The following FAM135B variants were observed in gnomAD, a reference collection of about 807,000 sequenced individuals.
FAM135B encodes family with sequence similarity 135 member B.
A neutral mutation model predicts 127.7 loss-of-function variants in FAM135B; 43 were observed. That is an observed-to-expected ratio of 0.34 (90% CI 0.26 to 0.43). The LOEUF is 0.43. FAM135B is among the 20% of genes least tolerant of loss of function. FAM135B has a pLI of 1.00. For synonymous variants in FAM135B, 670 were observed against 665.1 expected (o/e 1.01, Z -0.11); for missense variants, 1,558 against 1,725.6 (o/e 0.90, Z 1.72).
chr8:138,325,193 T>C (rs1179419169), intron 2 of FAM135B, among the ~76,000 whole-genome samples: 1 of 152,164 alleles, frequency 6.6e-6, no homozygotes, highest in Admixed American at 6.6e-5. Context: ...CACTGAGTTG[T>C]AGGCACTTAA....
chr8:138,400,527 G>A lies in FAM135B; in HGVS notation c.-19-32525C>T, dbSNP rs1215663303. Among the ~76,000 whole-genome samples, 4 of 152,154 alleles carry A rather than the reference G, an allele frequency of 2.6e-5. No individual in the cohort carries two copies. In the East Asian group the frequency reaches 7.7e-4, roughly 29 times the overall value. ...GATGTGGGAGGAAGGGAAGATGAGA[G>A]GAGGAGGACTGAAGAGATGAGTCAG... On this transcript the variant is annotated intron_variant, in intron 1 of 19. Coordinates refer to ENST00000395297, the MANE Select transcript of FAM135B (RefSeq NM_015912.4).
intron 9 of FAM135B, among the ~76,000 whole-genome samples, chr8:138,185,339 T>C (rs937120400): frequency 6.6e-6 from 1 of 152,178 alleles, no homozygotes; most frequent in Non-Finnish European, 1.5e-5. Context: ...GTGCCTCTTA[T>C]GCTCTTTACC....
At chr8:138,257,981 A>G (rs1822235506) in intron 4 of FAM135B, among the ~76,000 whole-genome samples, 1 of 152,182 alleles carries the variant, frequency 6.6e-6, no homozygotes, top group Admixed American at 6.5e-5. Flanking sequence ...TGTTCAGATC[A>G]GGTAATTGCT....
chr8:138,172,961 G>A (rs1161620947), intron 11 of FAM135B, among the ~76,000 whole-genome samples: 1 of 152,114 alleles, frequency 6.6e-6, no homozygotes, highest in East Asian at 1.9e-4. Flanking sequence ...TGCATAGGTC[G>A]GCCTTGCACA....
intron 1 of FAM135B, among the ~76,000 whole-genome samples, chr8:138,427,997 C>G (rs1276869606): frequency 2.0e-5 from 3 of 152,082 alleles, no homozygotes; most frequent in Non-Finnish European, 4.4e-5. Context: ...CTTTTTAACT[C>G]CCATGATACT....
chr8:138,136,600 A>C (rs574751778), intron 19 of FAM135B, among the ~76,000 whole-genome samples: 1 of 152,194 alleles, frequency 6.6e-6, no homozygotes, highest in East Asian at 1.9e-4. Context: ...TTAAAAAAAA[A>C]CAATTAAACA....
intron 5 of FAM135B, among the ~76,000 whole-genome samples, chr8:138,255,580 G>A (rs1425646648): frequency 6.6e-6 from 1 of 152,208 alleles, no homozygotes; most frequent in African/African-American, 2.4e-5. Flanking sequence ...CACATATGTG[G>A]AATGAGGGTT....
chr8:138,403,656 T>C (rs1353501376), intron 1 of FAM135B, among the ~76,000 whole-genome samples: 1 of 152,164 alleles, frequency 6.6e-6, no homozygotes, highest in Non-Finnish European at 1.5e-5. Context: ...GGCTGGACCA[T>C]GACCTTTTGC....
At chr8:138,224,742 T>C (rs1420653798) in intron 7 of FAM135B, among the ~76,000 whole-genome samples, 1 of 152,122 alleles carries the variant, frequency 6.6e-6, no homozygotes, top group Non-Finnish European at 1.5e-5. Context: ...TAGAGTTGGA[T>C]TAGGTCATGA....
At chr8:138,449,752 C>A (rs1190491136) in intron 1 of FAM135B, among the ~76,000 whole-genome samples, 1 of 152,074 alleles carries the variant, frequency 6.6e-6, no homozygotes, top group Non-Finnish European at 1.5e-5. Flanking sequence ...TAGAACATCC[C>A]CCATTATCAA....
At chr8:138,301,259 C>G (rs1329416949) in intron 3 of FAM135B, among the ~76,000 whole-genome samples, 1 of 152,204 alleles carries the variant, frequency 6.6e-6, no homozygotes, top group African/African-American at 2.4e-5. Context: ...ATGAGGATAA[C>G]TCAAATGCCA....
chr8:138,433,351 G>A (rs1382119871), intron 1 of FAM135B, among the ~76,000 whole-genome samples: 2 of 151,518 alleles, frequency 1.3e-5, no homozygotes, highest in African/African-American at 4.9e-5. Flanking sequence ...GTGAAACCCC[G>A]TCTCTATTAA....
intron 1 of FAM135B, among the ~76,000 whole-genome samples, chr8:138,379,731 A>G (rs1382393640): frequency 6.6e-6 from 1 of 152,150 alleles, no homozygotes; most frequent in African/African-American, 2.4e-5. Flanking sequence ...CCTCCTTGAG[A>G]AACTTAATTC....
intron 1 of FAM135B, among the ~76,000 whole-genome samples, chr8:138,386,014 A>G (rs1832183841): frequency 6.6e-6 from 1 of 152,056 alleles, no homozygotes. Context: ...TGAGGTCAAG[A>G]GTTCGAGACC....
At chr8:138,446,482 G>T (rs1301363624) in intron 1 of FAM135B, among the ~76,000 whole-genome samples, 1 of 152,116 alleles carries the variant, frequency 6.6e-6, no homozygotes, top group African/African-American at 2.4e-5. Flanking sequence ...ACAGAACAGA[G>T]GCCTCAGCAG....
chr8:138,472,879 G>A (rs928674608), intron 1 of FAM135B, among the ~76,000 whole-genome samples: 1 of 152,102 alleles, frequency 6.6e-6, no homozygotes, highest in Non-Finnish European at 1.5e-5. Flanking sequence ...GATTGACACC[G>A]CCTGATGTCT....
intron 3 of FAM135B, chr8:138,308,848 G>A (rs1371465554): frequency 1.5e-5 from 4 of 269,732 alleles, no homozygotes; most frequent in Non-Finnish European, 2.3e-5. Flanking sequence ...CGGGAGCCTG[G>A]GCATGGCTTT....
chr8:138,445,238 G>C (rs1221317834), intron 1 of FAM135B, among the ~76,000 whole-genome samples: 2 of 152,188 alleles, frequency 1.3e-5, no homozygotes, highest in East Asian at 1.9e-4. Flanking sequence ...GAAGGAGCTG[G>C]TACCATTCCT....
chr8:138,357,593 A>T (rs1830172089), intron 2 of FAM135B, among the ~76,000 whole-genome samples: 1 of 152,124 alleles, frequency 6.6e-6, no homozygotes, highest in Non-Finnish European at 1.5e-5. Flanking sequence ...TATGTGTGCA[A>T]CTGAAAGTTT....
Sources: allele counts gnomAD v4.1 joint callset (sites outside exome capture counted in the v4.1 genomes callset), GRCh38; gene constraint gnomAD v4.1.1; transcripts MANE v1.5; gene names NCBI Gene and HGNC (gene_info 2026-07-23, HGNC 2026-07-21).